Variants in ERI2 observed in about 807,000 individuals in gnomAD.
ERI2 encodes the protein ERI1 exoribonuclease 2.
In ERI2, 35 loss-of-function variants were observed where a neutral mutation model predicts 46.8. The ratio of observed to expected loss-of-function variants is 0.75; its 90% CI spans 0.57 to 0.99. ERI2 has a LOEUF of 0.99. Among genes scored for constraint, ERI2 ranks in the 50% least tolerant of loss-of-function variants. The pLI is 0.00. For missense variants in ERI2, 695 were observed against 796.2 expected, an observed-to-expected ratio of 0.87 and a Z score of 1.53; for synonymous variants, 224 against 271.0, an observed-to-expected ratio of 0.83 and a Z score of 1.70.
intron 10 of ERI2, chr16:20,781,892 C>G (rs1378039447): frequency 2.5e-6 from 2 of 805,760 alleles, no homozygotes; most frequent in African/African-American, 1.7e-5. Context: ...CCAGTAGACA[C>G]AGGATTTAGC....
At chr16:20,785,835 T>C (rs1227452681) in intron 10 of ERI2, among the ~76,000 whole-genome samples, 1 of 152,152 alleles carries the variant, frequency 6.6e-6, no homozygotes, top group African/African-American at 2.4e-5. Flanking sequence ...CTAATATAAA[T>C]GCAAATGTTA....
chr16:20,785,375 C>T (rs1051395112), intron 10 of ERI2, among the ~76,000 whole-genome samples: 25 of 152,134 alleles, frequency 1.6e-4, no homozygotes, highest in Non-Finnish European at 2.9e-4. Context: ...AATACTGGAT[C>T]TACTGAAAGA....
intron 5 of ERI2, chr16:20,800,692 T>C (rs1434089513): frequency 4.3e-6 from 1 of 235,044 alleles, no homozygotes; most frequent in African/African-American, 2.3e-5. Context: ...TAGGAAAATA[T>C]TAATGTTATT....
At chr16:20,786,122 C>T in intron 10 of ERI2, 1 of 1,604,556 alleles carries the variant, frequency 6.2e-7, no homozygotes, top group Non-Finnish European at 8.5e-7. Flanking sequence ...TTAAACCTGG[C>T]TCAATGGGAA....
intron 1 of ERI2, chr16:20,805,832 T>C: frequency 2.4e-6 from 1 of 416,884 alleles, no homozygotes; most frequent in Non-Finnish European, 3.2e-6. Context: ...GAGGTCCCGT[T>C]CCAGCCAAAG....
At chr16:20,781,228 C>G in intron 10 of ERI2, 1 of 1,407,752 alleles carries the variant, frequency 7.1e-7, no homozygotes, top group Non-Finnish European at 9.7e-7. Context: ...TCAGAGTAGA[C>G]AATATGATTT....
chr16:20,789,004 G>A (rs2080534688), intron 10 of ERI2, among the ~76,000 whole-genome samples: 1 of 152,120 alleles, frequency 6.6e-6, no homozygotes, highest in Non-Finnish European at 1.5e-5. Flanking sequence ...TCTCCATGCA[G>A]GCCACACCTC....
chr16:20,793,819 C>T (rs1281284711), downstream of ERI2, among the ~76,000 whole-genome samples: 4 of 152,208 alleles, frequency 2.6e-5, no homozygotes, highest in Non-Finnish European at 5.9e-5. Flanking sequence ...TTCTCCCCTA[C>T]CATTAGTCAT....
At chr16:20,794,394 T>C (rs1028832504), downstream of ERI2, among the ~76,000 whole-genome samples, 1 of 152,200 alleles carries the variant, frequency 6.6e-6, no homozygotes, top group Non-Finnish European at 1.5e-5. Context: ...GTGATGGAAA[T>C]GTTCTATATT....
chr16:20,792,404 T>C (rs998300352), downstream of ERI2: 5 of 1,590,896 alleles, frequency 3.1e-6, no homozygotes, highest in African/African-American at 4.0e-5. Flanking sequence ...AAACAGTAGC[T>C]CAGTGAAACA....
At chr16:20,802,307 G>C (rs761453328) in intron 4 of ERI2, among the ~76,000 whole-genome samples, 97 of 151,950 alleles carry the variant, frequency 6.4e-4, no homozygotes, top group Non-Finnish European at 1.1e-3. Flanking sequence ...CCTTACTCCA[G>C]CCTGGCCAAC....
chr16:20,803,300 TC>T, intron 3 of ERI2, 132 bp downstream of exon 3: 2 of 1,030,566 alleles, frequency 1.9e-6, no homozygotes, highest in Non-Finnish European at 2.7e-6. Flanking sequence ...TCTTTTTTAT[TC>T]AACATAAGTT....
chr16:20,782,229 T>G (rs1363549759), intron 10 of ERI2, among the ~76,000 whole-genome samples: 2 of 152,196 alleles, frequency 1.3e-5, no homozygotes, highest in Non-Finnish European at 2.9e-5. Context: ...CTTTGTTTTG[T>G]TTTTGTTTTT....
chr16:20,797,062 T>C lies in ERI2; in HGVS notation c.*662A>G. ...AAGATGATGGAGAGGTCATAAAAACTGTGGTAGTATGCTTAGAAACTGTTG... is the reference window on the plus strand; with the variant it reads ...AAGATGATGGAGAGGTCATAAAAACCGTGGTAGTATGCTTAGAAACTGTTG... On this transcript the variant is annotated 3_prime_UTR_variant, in exon 9 of 9. Transcript: ENST00000357967. 6.6e-7 allele frequency: 1 copy of C among 1,504,330 alleles called. No homozygotes were observed. The allele number at this position is 1,504,330 out of a possible 1,614,324, so 93.2% of individuals were successfully genotyped here. A position where few individuals can be genotyped will look rare whatever the true frequency, so the allele number is the denominator to read the frequency against.
At chr16:20,801,905 T>C (rs999855768) in intron 4 of ERI2, among the ~76,000 whole-genome samples, 4 of 151,960 alleles carry the variant, frequency 2.6e-5, no homozygotes, top group African/African-American at 9.7e-5. Context: ...ATCACAGGTG[T>C]GTAACACCAT....
downstream of ERI2, among the ~76,000 whole-genome samples, chr16:20,795,697 A>G (rs576368372): frequency 6.6e-6 from 1 of 152,348 alleles, no homozygotes; most frequent in South Asian, 2.1e-4. Flanking sequence ...TTGGAGGTAC[A>G]TACTAGTTGA....
At chr16:20,789,770 G>A (rs914386043) in intron 9 of ERI2, among the ~76,000 whole-genome samples, 9 of 151,074 alleles carry the variant, frequency 6.0e-5, no homozygotes, top group African/African-American at 2.2e-4. Flanking sequence ...CCCATCCCGG[G>A]TTCAAGCAAT....
chr16:20,782,432 A>G (rs989750566), intron 10 of ERI2, among the ~76,000 whole-genome samples: 3 of 152,098 alleles, frequency 2.0e-5, no homozygotes, highest in African/African-American at 7.2e-5. Context: ...AGTCCATTAT[A>G]TCATTCTTAC....
At chr16:20,801,414 G>A in intron 4 of ERI2, 55 bp from the exon 5 acceptor site, 1 of 1,509,690 alleles carries the variant, frequency 6.6e-7, no homozygotes, top group Non-Finnish European at 8.9e-7. Context: ...TTATTATTTA[G>A]CATGTTTTAT....
Sources: gnomAD v4.1 joint callset for allele counts (sites outside exome capture counted in the v4.1 genomes callset) on GRCh38, gnomAD v4.1.1 for gene constraint, MANE v1.5 for transcripts, NCBI Gene and HGNC (gene_info 2026-07-23, HGNC 2026-07-21) for gene names.